The following NELL1 variants were observed in gnomAD, a reference collection of about 807,000 sequenced individuals.
NELL1 encodes the protein protein kinase C-binding protein NELL1.
Under a neutral mutation model 107.4 loss-of-function variants are expected in NELL1, and 76 were observed. The observed-to-expected ratio is 0.71, with a 90% CI of 0.59 to 0.86. The LOEUF is 0.86. NELL1 is among the 40% of genes least tolerant of loss of function. The probability of loss-of-function intolerance (pLI) is 0.00; values close to 1 mark genes in which losing one functional copy is unlikely to be tolerated. For synonymous variants in NELL1, 353 were observed against 341.2 expected, an observed-to-expected ratio of 1.03 and a Z score of -0.38; for missense variants, 1,024 against 1,005.5, an observed-to-expected ratio of 1.02 and a Z score of -0.25.
chr11:21,064,708 A>G (rs1056379892), intron 12 of NELL1, among the ~76,000 whole-genome samples: 3 of 152,118 alleles, frequency 2.0e-5, no homozygotes, highest in Non-Finnish European at 4.4e-5. Flanking sequence ...GAGAGGTAGC[A>G]TTTAAACTCC....
intron 13 of NELL1, among the ~76,000 whole-genome samples, chr11:21,198,152 G>A (rs1195095674): frequency 6.6e-6 from 1 of 152,170 alleles, no homozygotes; most frequent in Non-Finnish European, 1.5e-5. Context: ...GCTGGACTCA[G>A]CTGGGGCTAT....
intron 14 of NELL1, among the ~76,000 whole-genome samples, chr11:21,305,305 C>T (rs1849583071): frequency 6.6e-6 from 1 of 151,900 alleles, no homozygotes; most frequent in Non-Finnish European, 1.5e-5. Context: ...TGTGTTCGTC[C>T]TTATTTATGG....
At position 20,719,290 on chromosome 11, in the gene NELL1, G is replaced by A. The variant is rs184070821; in HGVS notation, c.184+41230G>A. ...ATCATAGCCCAGGATCCTGTGATGTGTCTTTCTCTAGGTATTTATTTGATT... is the reference window on the plus strand; with the variant it reads ...ATCATAGCCCAGGATCCTGTGATGTATCTTTCTCTAGGTATTTATTTGATT... On this transcript the variant is annotated intron_variant, in intron 2 of 19. Coordinates refer to ENST00000357134, the MANE Select transcript of NELL1 (RefSeq NM_006157.5). Among the ~76,000 whole-genome samples, 484 of 152,242 alleles carry A rather than the reference G, an allele frequency of 3.2e-3. 4 individuals carry two copies. Among genetic ancestry groups the A allele is most frequent in the African/African-American group, 0.011 (458 of 41,528 alleles).
At chr11:21,563,803 G>A (rs1025357503) in intron 17 of NELL1, among the ~76,000 whole-genome samples, 3 of 151,894 alleles carry the variant, frequency 2.0e-5, no homozygotes, top group South Asian at 2.1e-4. Context: ...AAGTGAATAC[G>A]GAAAGCCTTT....
intron 16 of NELL1, 120 bp downstream of exon 16, chr11:21,534,634 A>C: frequency 9.2e-7 from 1 of 1,086,362 alleles, no homozygotes; most frequent in East Asian, 2.5e-5. Flanking sequence ...TAAATGCATC[A>C]GTTTTCAAAT....
intron 2 of NELL1, among the ~76,000 whole-genome samples, chr11:20,775,217 C>T (rs952987594): frequency 6.6e-6 from 1 of 152,154 alleles, no homozygotes; most frequent in Non-Finnish European, 1.5e-5. Context: ...AATTGAAGGC[C>T]ATGCCTATCT....
chr11:21,196,403 C>CT (rs1857153910), intron 13 of NELL1, among the ~76,000 whole-genome samples: 1 of 152,172 alleles, frequency 6.6e-6, no homozygotes, highest in African/African-American at 2.4e-5. Flanking sequence ...TCTCACTCCA[C>CT]TTCTGCTTCC....
At chr11:20,875,210 T>A (rs956631340) in intron 4 of NELL1, among the ~76,000 whole-genome samples, 5 of 152,242 alleles carry the variant, frequency 3.3e-5, no homozygotes, top group Non-Finnish European at 7.3e-5. Flanking sequence ...TATTTCTGTT[T>A]ACCCTTAGAT....
intron 14 of NELL1, among the ~76,000 whole-genome samples, chr11:21,244,231 T>A (rs1041656333): frequency 1.3e-5 from 2 of 152,166 alleles, no homozygotes; most frequent in East Asian, 1.9e-4. Flanking sequence ...CATTTTAAGA[T>A]CAATTTCATA....
In NELL1 at chr11:21,570,953, C is replaced by T; in HGVS notation, c.2157+13C>T. The T allele has an allele frequency of 6.2e-7, 1 of 1,608,964 alleles. No individual in the cohort carries two copies. Among genetic ancestry groups the T allele is most frequent in the Non-Finnish European group, 8.5e-7 (1 of 1,176,820 alleles). On this transcript the variant is annotated intron_variant, in intron 18 of 19. Coordinates refer to ENST00000357134, the MANE Select transcript of NELL1 (RefSeq NM_006157.5). Reference sequence around the variant, plus strand: ...GTGTCGGTGTCTGGTATGTTGGCTTCCTTTATAAGGTGTTGAGCCTTTACT... The same window carrying T: ...GTGTCGGTGTCTGGTATGTTGGCTTTCTTTATAAGGTGTTGAGCCTTTACT...
chr11:21,444,318 T>G (rs1263850591), intron 15 of NELL1, among the ~76,000 whole-genome samples: 1 of 152,148 alleles, frequency 6.6e-6, no homozygotes, highest in Non-Finnish European at 1.5e-5. Flanking sequence ...ATATATTTCA[T>G]CTTTGCACAT....
chr11:21,513,014 C>T (rs1855476615), intron 15 of NELL1, among the ~76,000 whole-genome samples: 1 of 152,144 alleles, frequency 6.6e-6, no homozygotes, highest in African/African-American at 2.4e-5. Flanking sequence ...TTTCCCTAAT[C>T]AAAGCCAGTA....
chr11:21,574,980 A>G lies in NELL1; in HGVS notation c.2391A>G (p.Arg797=). ...PCTTCKCKNG[R]VCCSVDFECL... is the part of the protein sequence containing the mutation. The stretch of plus-strand genomic sequence containing the variant: ...GTTTCTTTGATGTACAGAATGGAAG[A>G]GTCTGTTGTTCTGTGGATTTTGAGT... The change falls in exon 20 of 20, where the codon AGA becomes AGG. Residue 797 remains arginine, a synonymous_variant. Coordinates refer to ENST00000357134, the MANE Select transcript of NELL1 (RefSeq NM_006157.5). 6.2e-7 allele frequency: 1 copy of G among 1,610,980 alleles called. No homozygotes were observed. Among genetic ancestry groups the G allele is most frequent in the Non-Finnish European group, 8.5e-7 (1 of 1,177,954 alleles).
intron 15 of NELL1, among the ~76,000 whole-genome samples, chr11:21,476,883 GGTGT>G (rs1854349606): frequency 6.6e-6 from 1 of 152,118 alleles, no homozygotes; most frequent in African/African-American, 2.4e-5. Flanking sequence ...GAACACAGCT[GGTGT>G]TCATGGAGGG....
At chr11:20,881,635 C>T (rs991925827) in intron 4 of NELL1, among the ~76,000 whole-genome samples, 3 of 152,148 alleles carry the variant, frequency 2.0e-5, no homozygotes, top group Non-Finnish European at 2.9e-5. Context: ...TTCAGCTCCA[C>T]TTTATTCTTC....
At chr11:20,974,477 CT>C (rs140693199) in intron 12 of NELL1, among the ~76,000 whole-genome samples, 1,883 of 147,516 alleles carry the variant, frequency 0.013, 13 homozygotes, top group Non-Finnish European at 0.019. Context: ...TTCCTGTTAT[CT>C]TTTTTTTTTT....
Position 20,677,983 on chromosome 11 carries a change from T to C in NELL1, c.107T>C (p.Leu36Pro). The change falls in exon 2 of 20, where the codon CTT (leucine) becomes CCT (proline). Residue 36 changes from leucine (L) to proline (P), a missense_variant. Physicochemically the swap from Leu to Pro is moderately conservative, Grantham distance 98. Transcript: ENST00000357134. The part of the protein sequence containing the change: ...PDLQMDIVTE[L>P]DLVNTTLGVA... ...CTTCAGATGGATATCGTCACCGAGC[T>C]TGACCTTGTGAACACCACCCTTGGA... 1.6e-5 allele frequency: 26 copies of C among 1,614,144 alleles called. No individual in the cohort carries two copies. The highest frequency in any genetic ancestry group is 2.1e-5 in the Non-Finnish European group (25 of 1,180,000).
chr11:21,166,461 T>C (rs891299702), intron 13 of NELL1, among the ~76,000 whole-genome samples: 1 of 151,838 alleles, frequency 6.6e-6, no homozygotes, highest in African/African-American at 2.4e-5. Context: ...ACAGCGTAAT[T>C]GGATTGTTTG....
intron 13 of NELL1, among the ~76,000 whole-genome samples, chr11:21,156,624 C>T (rs1320527430): frequency 6.6e-6 from 1 of 151,898 alleles, no homozygotes; most frequent in Admixed American, 6.6e-5. Context: ...ATGGCAGTAC[C>T]CAGCAGGTGA....
Sources: gnomAD v4.1 joint callset for allele counts (sites outside exome capture counted in the v4.1 genomes callset) on GRCh38, gnomAD v4.1.1 for gene constraint, MANE v1.5 for transcripts, NCBI Gene and HGNC (gene_info 2026-07-23, HGNC 2026-07-21) for gene names.